Variants in DDR2 observed in about 807,000 individuals in gnomAD.
DDR2 encodes the protein discoidin domain-containing receptor 2.
DDR2 carries 27 observed loss-of-function variants against 94.9 expected under a neutral mutation model. The ratio of observed to expected loss-of-function variants is 0.28; its 90% CI spans 0.21 to 0.39. The LOEUF (loss-of-function observed/expected upper bound fraction) is 0.39, where lower values mean the gene tolerates loss of function less well. Among genes scored for constraint, DDR2 ranks in the 10% least tolerant of loss-of-function variants. The pLI, the probability that DDR2 is intolerant of heterozygous loss-of-function variation, is 1.00. For synonymous variants in DDR2, 382 were observed against 377.2 expected, an observed-to-expected ratio of 1.01 and a Z score of -0.15; for missense variants, 783 against 1,076.0, an observed-to-expected ratio of 0.73 and a Z score of 3.81.
At chr1:162,709,937 T>G (rs1254291593) in intron 2 of DDR2, among the ~76,000 whole-genome samples, 2 of 152,194 alleles carry the variant, frequency 1.3e-5, no homozygotes, top group Non-Finnish European at 2.9e-5. Context: ...CAGTTTGCAT[T>G]TTCTCTCCTT....
At chr1:162,778,432 G>T (rs1325608057) in intron 16 of DDR2, 148 bp from the exon 17 acceptor site, 77 of 969,528 alleles carry the variant, frequency 7.9e-5, no homozygotes, top group Non-Finnish European at 1.1e-4. Context: ...AGAATGGGCT[G>T]TTTCTAAATA....
At chr1:162,638,442 C>G (rs1210556531) in intron 1 of DDR2, among the ~76,000 whole-genome samples, 1 of 152,278 alleles carries the variant, frequency 6.6e-6, no homozygotes, top group South Asian at 2.1e-4. Context: ...TCCCATATCC[C>G]CATGGTAAGG....
chr1:162,708,546 G>C (rs1660758168), intron 2 of DDR2, among the ~76,000 whole-genome samples: 1 of 152,186 alleles, frequency 6.6e-6, no homozygotes, highest in Non-Finnish European at 1.5e-5. Flanking sequence ...CTCACTCACG[G>C]TATTGATCAA....
At chr1:162,737,144 A>AT (rs1294934701) in intron 3 of DDR2, among the ~76,000 whole-genome samples, 40 of 81,458 alleles carry the variant, frequency 4.9e-4, no homozygotes, top group Non-Finnish European at 8.6e-4. Context: ...TTTTTTATTT[A>AT]TTTTTTTTGG....
intron 2 of DDR2, among the ~76,000 whole-genome samples, chr1:162,673,917 CT>C (rs2101943226): frequency 6.6e-6 from 1 of 152,170 alleles, no homozygotes; most frequent in South Asian, 2.1e-4. Context: ...GTCCTGGCCC[CT>C]TTTTCTTCCC....
chr1:162,768,889 A>G (rs541146935), intron 11 of DDR2, among the ~76,000 whole-genome samples: 1 of 152,320 alleles, frequency 6.6e-6, no homozygotes, highest in Admixed American at 6.5e-5. Flanking sequence ...TGAGGCAAAT[A>G]TCAAAATTTT....
intron 2 of DDR2, among the ~76,000 whole-genome samples, chr1:162,718,277 C>A (rs1661260437): frequency 6.6e-6 from 1 of 152,042 alleles, no homozygotes; most frequent in Admixed American, 6.6e-5. Context: ...CCAGAATCAG[C>A]CATTTTTCTG....
intron 3 of DDR2, among the ~76,000 whole-genome samples, chr1:162,741,204 CAATACAATATAATAT>C (rs1337355348): frequency 6.0e-5 from 3 of 50,358 alleles, no homozygotes; most frequent in African/African-American, 1.7e-4. Flanking sequence ...TAATACAATA[CAATACAATATAATAT>C]AATATAATAT....
chr1:162,717,769 A>G (rs977237718), intron 2 of DDR2, among the ~76,000 whole-genome samples: 6 of 152,170 alleles, frequency 3.9e-5, no homozygotes, highest in Non-Finnish European at 8.8e-5. Context: ...TTTTCATCAC[A>G]TCATATCAAG....
At chr1:162,676,412 A>C (rs918932755) in intron 2 of DDR2, among the ~76,000 whole-genome samples, 5 of 152,044 alleles carry the variant, frequency 3.3e-5, no homozygotes, top group Non-Finnish European at 5.9e-5. Flanking sequence ...ATAATACTTT[A>C]CCCCCTGCTA....
At chr1:162,705,846 T>C (rs148916762) in intron 2 of DDR2, among the ~76,000 whole-genome samples, 82 of 152,346 alleles carry the variant, frequency 5.4e-4, no homozygotes, top group African/African-American at 1.9e-3. Context: ...GGAAAATTCA[T>C]GTAAATCTTA....
chr1:162,643,624 GCACCCACCACC>G (rs1307661680), intron 1 of DDR2, among the ~76,000 whole-genome samples: 1 of 152,056 alleles, frequency 6.6e-6, no homozygotes, highest in East Asian at 1.9e-4. Context: ...GGGATTACAG[GCACCCACCACC>G]ATGCCCAGCT....
chr1:162,636,964 T>C (rs184505746), intron 1 of DDR2, among the ~76,000 whole-genome samples: 1 of 152,350 alleles, frequency 6.6e-6, no homozygotes, highest in Non-Finnish European at 1.5e-5. Context: ...CCACTGATTT[T>C]ATTTTTCTCT....
chr1:162,726,946 C>T (rs1661699937), intron 3 of DDR2, among the ~76,000 whole-genome samples: 1 of 150,482 alleles, frequency 6.6e-6, no homozygotes, highest in African/African-American at 2.4e-5. Context: ...TCAAGACATA[C>T]AATATAGCGA....
chr1:162,664,487 G>A lies in DDR2; in HGVS notation c.-28+9113G>A, dbSNP rs1658449489. The stretch of plus-strand genomic sequence containing the variant: ...TGTACTAAAAAACCCTAAATGACCA[G>A]CCTTGAGTATATGGTTAAATATATA... On this transcript the variant is annotated intron_variant, in intron 2 of 17. Coordinates refer to ENST00000367921, the MANE Select transcript of DDR2 (RefSeq NM_006182.4). 2.0e-5 allele frequency among the ~76,000 whole-genome samples: 3 copies of A among 152,048 alleles called. No individual in the cohort carries two copies. The South Asian group carries it at 6.2e-4, about 32-fold the overall frequency.
intron 5 of DDR2, 126 bp downstream of exon 5, chr1:162,754,981 G>A (rs1663387954): frequency 1.4e-6 from 2 of 1,426,776 alleles, no homozygotes; most frequent in Non-Finnish European, 1.9e-6. Flanking sequence ...CCTTGTAAAT[G>A]TGTGACCCAG....
In DDR2 at chr1:162,755,099, A is replaced by G. The variant is rs962324425; in HGVS notation, c.418-57A>G. On this transcript the variant is annotated intron_variant, in intron 5 of 17. Transcript: ENST00000367921. ...GTCCATCAAAAACGTGGTGGGGTGA[A>G]GAAAAGTGAGCATGATTTAATACCA... The G allele has an allele frequency of 7.4e-6, 12 of 1,612,030 alleles. No homozygotes were observed. The African/African-American group carries it at 1.2e-4, about 16-fold the overall frequency.
At chr1:162,637,336 G>A (rs1475245037) in intron 1 of DDR2, among the ~76,000 whole-genome samples, 1 of 151,994 alleles carries the variant, frequency 6.6e-6, no homozygotes, top group Non-Finnish European at 1.5e-5. Flanking sequence ...TTATTAAATG[G>A]TGATTTTCAG....
At chr1:162,685,861 A>T (rs1268430035) in intron 2 of DDR2, among the ~76,000 whole-genome samples, 2 of 152,200 alleles carry the variant, frequency 1.3e-5, no homozygotes, top group African/African-American at 4.8e-5. Context: ...AGGCTAAGTG[A>T]TTTGCCCAAA....
Sources: allele counts gnomAD v4.1 joint callset (sites outside exome capture counted in the v4.1 genomes callset), GRCh38; gene constraint gnomAD v4.1.1; transcripts MANE v1.5; gene names NCBI Gene and HGNC (gene_info 2026-07-23, HGNC 2026-07-21).